Variants in ALDH3A1 observed in about 807,000 individuals in gnomAD.
ALDH3A1 encodes the protein aldehyde dehydrogenase 3 family member A1.
ALDH3A1 carries 46 observed loss-of-function variants against 49.9 expected under a neutral mutation model. That is an observed-to-expected ratio of 0.92 (90% CI 0.73 to 1.18). The LOEUF (loss-of-function observed/expected upper bound fraction) is 1.18, where lower values mean the gene tolerates loss of function less well. Among genes scored for constraint, ALDH3A1 ranks in the 50% most tolerant of loss-of-function variants. The probability of loss-of-function intolerance (pLI) is 0.00; values close to 1 mark genes in which losing one functional copy is unlikely to be tolerated. For missense variants in ALDH3A1, 592 were observed against 611.8 expected (o/e 0.97, Z 0.34); for synonymous variants, 269 against 253.3 (o/e 1.06, Z -0.59).
At chr17:19,747,478 G>A (rs1277494800) in intron 1 of ALDH3A1, among the ~76,000 whole-genome samples, 2 of 152,220 alleles carry the variant, frequency 1.3e-5, no homozygotes, top group African/African-American at 4.8e-5. Flanking sequence ...CAGCCCAGGT[G>A]GGAAGAGCCT....
In ALDH3A1 at chr17:19,745,006, G is replaced by A. The variant is rs1435183920; in HGVS notation, c.124C>T (p.Gln42Ter). The A allele has an allele frequency of 6.3e-7, 1 of 1,578,290 alleles. No homozygotes were observed. Among genetic ancestry groups the A allele is most frequent in the African/African-American group, 1.4e-5 (1 of 72,464 alleles). ...GCGGCCAGCGCGCCCACCAGCTCCT[G>A]CTCCTGCTCCTGGATCAGGCGCTGC... ...ALQRLIQEQEQELVGALAADL... is the reference protein window; with the variant it reads ...ALQRLIQEQE The change falls in exon 2 of 11, where the codon CAG becomes TAG. Residue 42 changes from glutamine (Q) to a stop codon, truncating the protein, a stop_gained. Coordinates refer to ENST00000225740, the MANE Select transcript of ALDH3A1 (RefSeq NM_000691.5). LOFTEE classifies it high-confidence loss of function.
At chr17:19,744,559 G>C in intron 2 of ALDH3A1, 1 of 985,428 alleles carries the variant, frequency 1.0e-6, no homozygotes, top group Non-Finnish European at 1.2e-6. Flanking sequence ...GGTGAGGGAC[G>C]GAACAGCCCC....
chr17:19,745,011 T>C lies in ALDH3A1; in HGVS notation c.119A>G (p.Gln40Arg), dbSNP rs544620393. ...LEALQRLIQEQEQELVGALAA... is the reference protein window; with the variant it reads ...LEALQRLIQEREQELVGALAA... ...CAGCGCGCCCACCAGCTCCTGCTCC[T>C]GCTCCTGGATCAGGCGCTGCAGCGC... The change falls in exon 2 of 11, where the codon CAG becomes CGG. Residue 40 changes from glutamine (Q) to arginine (R), a missense_variant. By Grantham distance (43) the Gln-to-Arg change is conservative. Transcript: ENST00000225740. The C allele has an allele frequency of 2.1e-4, 334 of 1,584,568 alleles. 1 individual carries two copies. The highest frequency in any genetic ancestry group is 2.6e-4 in the Non-Finnish European group (305 of 1,174,320).
chr17:19,744,916 C>CCCCCCCCCCCCA, intron 2 of ALDH3A1, 52 bp downstream of exon 2: 2 of 1,345,114 alleles, frequency 1.5e-6, no homozygotes, highest in Non-Finnish European at 1.9e-6. Context: ...TCCCCCCACG[C>CCCCCCCCCCCCA]CCCATCGCAT....
At position 19,745,391 on chromosome 17, in the gene ALDH3A1, C is replaced by T. The variant is rs1162533985; in HGVS notation, c.-5-257G>A. On this transcript the variant is annotated intron_variant, in intron 1 of 10. Coordinates refer to ENST00000225740, the MANE Select transcript of ALDH3A1 (RefSeq NM_000691.5). ...CTAAGCCGAACTGCTGCTGGGGGCT[C>T]TTGGCAGCGTGCTCGCGGCAGGGCC... is the stretch of plus-strand genomic sequence containing the variant. 9 of 470,584 alleles carry T rather than the reference C, an allele frequency of 1.9e-5. No homozygotes were observed. The East Asian group carries it at 2.6e-4, about 13-fold the overall frequency. The allele number at this position is 470,584 out of a possible 1,614,324, so 29.2% of individuals were successfully genotyped here. A position where few individuals can be genotyped will look rare whatever the true frequency, so the allele number is the denominator to read the frequency against.
chr17:19,742,490 G>C, intron 4 of ALDH3A1, 55 bp downstream of exon 4: 1 of 1,561,092 alleles, frequency 6.4e-7, no homozygotes, highest in South Asian at 1.2e-5. Context: ...CCAAAGACCT[G>C]GCCCTAGCTC....
rs547610472 is a variant in ALDH3A1 at position 19,738,608 on chromosome 17, T to C, written c.1217-155A>G. ...ATCCTTCCCTCAAATCCTATGGCCCTCAGCACCCAGCCCCAGGTTGTGGCC... is the reference window on the plus strand; with the variant it reads ...ATCCTTCCCTCAAATCCTATGGCCCCCAGCACCCAGCCCCAGGTTGTGGCC... On this transcript the variant is annotated intron_variant, in intron 9 of 10. Transcript: ENST00000225740. 75 of 1,151,446 alleles carry C rather than the reference T, an allele frequency of 6.5e-5. 1 individual carries two copies. In the South Asian group the frequency reaches 1.1e-3, roughly 17 times the overall value. The allele number at this position is 1,151,446 out of a possible 1,614,324, so 71.3% of individuals were successfully genotyped here.
rs1230054217 is a variant in ALDH3A1 at position 19,742,187 on chromosome 17, C to G, written c.506G>C (p.Gly169Ala). 6.2e-7 allele frequency: 1 copy of G among 1,614,008 alleles called. No individual in the cohort carries two copies. The highest frequency in any genetic ancestry group is 1.1e-5 in the South Asian group (1 of 91,078). Residue 169 changes from glycine to alanine, a missense_variant, in exon 5 of 11, where the codon GGT (glycine) becomes GCT (alanine). Gly to Ala is a moderately conservative substitution (Grantham distance 60). Transcript: ENST00000225740. ...GAGCAGCTCCGTGGTCTCAGGGACACCCCCATTGATTACTGGGTACAGATC... is the reference window on the plus strand; with the variant it reads ...GAGCAGCTCCGTGGTCTCAGGGACAGCCCCATTGATTACTGGGTACAGATC... The part of the protein sequence containing the change: ...DKDLYPVING[G>A]VPETTELLKE...
At chr17:19,740,061 T>C in intron 7 of ALDH3A1, 1 of 479,036 alleles carries the variant, frequency 2.1e-6, no homozygotes, top group South Asian at 3.5e-5. Context: ...GGGGCTCCTG[T>C]GGCTTCTGCT....
chr17:19,742,340 T>G, intron 4 of ALDH3A1, 128 bp from the exon 5 acceptor site: 1 of 1,153,984 alleles, frequency 8.7e-7, no homozygotes, highest in East Asian at 2.5e-5. Context: ...GGGCGGGGGG[T>G]AGCAGTAACT....
intron 5 of ALDH3A1, 96 bp from the exon 6 acceptor site, chr17:19,741,306 C>A: frequency 4.7e-6 from 5 of 1,072,514 alleles, no homozygotes; most frequent in Non-Finnish European, 7.0e-6. Context: ...CAGAAGCCAT[C>A]GGCTGTGACC....
intron 1 of ALDH3A1, among the ~76,000 whole-genome samples, chr17:19,746,632 T>TGTGTGC (rs1266935547): frequency 7.0e-6 from 1 of 143,644 alleles, no homozygotes; most frequent in South Asian, 2.1e-4. Context: ...TGCGTGTGTG[T>TGTGTGC]GTGTGCGTGT....
At chr17:19,744,914 C>CCCCCCCCCCCCCAGGG in intron 2 of ALDH3A1, 54 bp downstream of exon 2, 1 of 1,196,490 alleles carries the variant, frequency 8.4e-7, no homozygotes. Flanking sequence ...CCTCCCCCCA[C>CCCCCCCCCCCCCAGGG]GCCCCATCGC....
chr17:19,745,222 C>G, intron 1 of ALDH3A1, 88 bp from the exon 2 acceptor site: 1 of 1,377,248 alleles, frequency 7.3e-7, no homozygotes, highest in Non-Finnish European at 9.6e-7. Context: ...AAGGGACTTC[C>G]CTGGGCTCGG....
intron 7 of ALDH3A1, 117 bp downstream of exon 7, chr17:19,740,219 T>C (rs943582002): frequency 1.5e-5 from 21 of 1,434,768 alleles, no homozygotes; most frequent in Non-Finnish European, 1.9e-5. Context: ...GTGAAAGCAA[T>C]TTATACCCAT....
Position 19,738,349 on chromosome 17 carries a change from C to T in ALDH3A1, c.1321G>A (p.Val441Ile), listed in dbSNP as rs759823213. The T allele has an allele frequency of 6.2e-7, 1 of 1,613,596 alleles. No individual in the cohort carries two copies. The highest frequency in any genetic ancestry group is 2.2e-5 in the East Asian group (1 of 44,860). The change falls in exon 10 of 11, where the codon GTC (valine) becomes ATC (isoleucine). Residue 441 changes from valine to isoleucine, a missense_variant. Coordinates refer to ENST00000225740, the MANE Select transcript of ALDH3A1 (RefSeq NM_000691.5). Reference sequence around the variant, plus strand: ...TTGGCCGGGCTCGGGGGGTATCTGACCTTCAGGCCTTCATCATTCATCAGA... The same window carrying T: ...TTGGCCGGGCTCGGGGGGTATCTGATCTTCAGGCCTTCATCATTCATCAGA... ...RPLMNDEGLK[V>I]RYPPSPAKMT...
intron 5 of ALDH3A1, 73 bp downstream of exon 5, chr17:19,741,928 ACAG>A: frequency 1.4e-6 from 2 of 1,440,638 alleles, no homozygotes; most frequent in Middle Eastern, 1.8e-4. Flanking sequence ...GAGTGGACCC[ACAG>A]CATGAGGTGC....
chr17:19,738,015 T>A lies in ALDH3A1; in HGVS notation c.*206A>T. The A allele has an allele frequency of 6.7e-7, 1 of 1,493,106 alleles. No homozygotes were observed. Among genetic ancestry groups the A allele is most frequent in the Non-Finnish European group, 8.9e-7 (1 of 1,120,004 alleles). 92.5% of individuals were successfully genotyped at this position (1,493,106 alleles called of 1,614,324 possible). Reference sequence around the variant, plus strand: ...GAGTTAGAAAATTGTATTCGTCTCTTTATTGGTCTAGAAAGGGGTGGAGAC... The same window carrying A: ...GAGTTAGAAAATTGTATTCGTCTCTATATTGGTCTAGAAAGGGGTGGAGAC... On this transcript the variant is annotated 3_prime_UTR_variant, in exon 11 of 11. Coordinates refer to ENST00000225740, the MANE Select transcript of ALDH3A1 (RefSeq NM_000691.5).
At chr17:19,746,611 ATGTGTGTGTGTGCG>A (rs1257531471) in intron 1 of ALDH3A1, among the ~76,000 whole-genome samples, 6 of 150,542 alleles carry the variant, frequency 4.0e-5, no homozygotes, top group South Asian at 2.1e-4. Flanking sequence ...AGGCGTGTGC[ATGTGTGTGTGTGCG>A]TGTGTGTGTG....
Sources: gnomAD v4.1 joint callset for allele counts (sites outside exome capture counted in the v4.1 genomes callset) on GRCh38, gnomAD v4.1.1 for gene constraint, MANE v1.5 for transcripts, NCBI Gene and HGNC (gene_info 2026-07-23, HGNC 2026-07-21) for gene names.